Variants in TPRG1 observed in about 807,000 individuals in gnomAD.
TPRG1 encodes tumor protein p63 regulated 1, also known as tumor protein p63-regulated gene 1 protein.
In TPRG1, 29 loss-of-function variants were observed where a neutral mutation model predicts 29.3. The ratio of observed to expected loss-of-function variants is 0.99; its 90% CI spans 0.74 to 1.35. The LOEUF (loss-of-function observed/expected upper bound fraction) is 1.35. Among genes scored for constraint, TPRG1 ranks in the 40% most tolerant of loss-of-function variants. TPRG1 has a pLI of 0.00. For missense variants in TPRG1, 327 were observed against 335.0 expected (o/e 0.98, Z 0.19); for synonymous variants, 130 against 116.8 (o/e 1.11, Z -0.73).
chr3:189,203,730 G>C (rs1733852474), intron 1 of TPRG1, among the ~76,000 whole-genome samples: 2 of 152,158 alleles, frequency 1.3e-5, no homozygotes, highest in Admixed American at 1.3e-4. Flanking sequence ...TCCCTGGAAT[G>C]AGAAGATTCC....
intron 4 of TPRG1, among the ~76,000 whole-genome samples, chr3:189,087,218 A>G (rs1289471350): frequency 1.3e-5 from 2 of 152,148 alleles, no homozygotes; most frequent in Non-Finnish European, 2.9e-5. Context: ...GTGAGATGGT[A>G]TCTCATTGTG....
chr3:189,304,514 G>A (rs1244842533), intron 4 of TPRG1, among the ~76,000 whole-genome samples: 3 of 152,142 alleles, frequency 2.0e-5, no homozygotes, highest in Admixed American at 2.0e-4. Flanking sequence ...CTTCTGGGAG[G>A]GAGCCAGGTG....
intron 5 of TPRG1, among the ~76,000 whole-genome samples, chr3:189,152,369 T>C (rs921558527): frequency 2.0e-5 from 3 of 152,194 alleles, no homozygotes; most frequent in Admixed American, 1.3e-4. Flanking sequence ...CAGAGGCAGA[T>C]TCTACTATAC....
chr3:189,122,638 G>A (rs562132113), intron 1 of TPRG1, among the ~76,000 whole-genome samples: 8 of 152,258 alleles, frequency 5.3e-5, no homozygotes, highest in African/African-American at 1.4e-4. Flanking sequence ...TCCTTTTATC[G>A]TTGTGAAACA....
At chr3:189,270,302 ACTC>A (rs1488257721) in intron 4 of TPRG1, among the ~76,000 whole-genome samples, 4 of 152,046 alleles carry the variant, frequency 2.6e-5, no homozygotes, top group African/African-American at 9.7e-5. Flanking sequence ...CCGGCATTGA[ACTC>A]CTCATGCCTT....
chr3:189,286,834 C>G (rs1363100030), intron 4 of TPRG1, among the ~76,000 whole-genome samples: 1 of 152,088 alleles, frequency 6.6e-6, no homozygotes, highest in East Asian at 1.9e-4. Flanking sequence ...TTCCTACTTT[C>G]TTTTCTTTAT....
chr3:189,206,048 CTTCTGTCTTT>C (rs1560549912), intron 1 of TPRG1, among the ~76,000 whole-genome samples: 2 of 149,188 alleles, frequency 1.3e-5, no homozygotes, highest in African/African-American at 4.9e-5. Context: ...TCCTTCCTTT[CTTCTGTCTTT>C]CTTTCTTTTT....
rs371732749 is a variant in TPRG1, at chr3:189,042,272, T to C, written c.-463+18326T>C. On this transcript the variant is annotated intron_variant, in intron 4 of 10. Coordinates refer to the TPRG1 transcript ENST00000433971. ...TTGAACTATCAAGAATATATTTCTT[T>C]TCCAATTTCAGCTTTTTTGGTTAAT... is the stretch of plus-strand genomic sequence containing the variant. 2.7e-3 allele frequency among the ~76,000 whole-genome samples: 410 copies of C among 152,298 alleles called. 2 individuals are homozygous for C. The highest frequency in any genetic ancestry group is 8.9e-3 in the South Asian group (43 of 4,824).
intron 1 of TPRG1, among the ~76,000 whole-genome samples, chr3:189,201,267 G>T (rs16864083): frequency 0.13 from 19,378 of 152,216 alleles, 1,414 homozygotes; most frequent in African/African-American, 0.2. Flanking sequence ...CTTCCCAAGG[G>T]TTCACAGAGA....
At chr3:189,222,189 A>G (rs1455225832) in intron 3 of TPRG1, among the ~76,000 whole-genome samples, 2 of 152,194 alleles carry the variant, frequency 1.3e-5, no homozygotes, top group East Asian at 3.8e-4. Context: ...GAACAACAAA[A>G]AAGTCAAATG....
chr3:189,033,008 C>T (rs755627992), intron 4 of TPRG1, among the ~76,000 whole-genome samples: 15 of 151,960 alleles, frequency 9.9e-5, no homozygotes, highest in South Asian at 4.2e-4. Flanking sequence ...GTCCCACAAC[C>T]GTGCACACGA....
intron 1 of TPRG1, among the ~76,000 whole-genome samples, chr3:189,186,091 A>G (rs1730879159): frequency 6.6e-6 from 1 of 152,176 alleles, no homozygotes; most frequent in Non-Finnish European, 1.5e-5. Flanking sequence ...GTTATTTTTT[A>G]AAAATTTATC....
At chr3:189,112,247 G>A (rs1720619046) in intron 1 of TPRG1, among the ~76,000 whole-genome samples, 1 of 152,016 alleles carries the variant, frequency 6.6e-6, no homozygotes. Flanking sequence ...GAGAGATATT[G>A]GTCTATAATT....
intron 4 of TPRG1, among the ~76,000 whole-genome samples, chr3:189,032,720 TG>T (rs1714002380): frequency 6.7e-6 from 1 of 150,362 alleles, no homozygotes; most frequent in South Asian, 2.1e-4. Context: ...TAGCATTAGG[TG>T]TATCTCCTAA....
At chr3:189,202,303 C>G (rs868814097) in intron 1 of TPRG1, among the ~76,000 whole-genome samples, 21 of 152,100 alleles carry the variant, frequency 1.4e-4, no homozygotes, top group Admixed American at 5.2e-4. Flanking sequence ...GAGCTACCCC[C>G]CTCAGACCGG....
At chr3:189,245,838 T>G (rs1741298996) in intron 4 of TPRG1, among the ~76,000 whole-genome samples, 1 of 152,134 alleles carries the variant, frequency 6.6e-6, no homozygotes. Flanking sequence ...ATATTTTGAG[T>G]CTATTATTAG....
intron 1 of TPRG1, among the ~76,000 whole-genome samples, chr3:189,126,426 T>C (rs1429905069): frequency 6.6e-6 from 1 of 152,220 alleles, no homozygotes; most frequent in African/African-American, 2.4e-5. Flanking sequence ...TAGCTCGATG[T>C]CACTAAGACT....
At chr3:189,043,614 T>C (rs1469393202) in intron 4 of TPRG1, among the ~76,000 whole-genome samples, 1 of 152,214 alleles carries the variant, frequency 6.6e-6, no homozygotes, top group Non-Finnish European at 1.5e-5. Context: ...ATTACAATTT[T>C]TTGGGCGACA....
At chr3:189,316,120 CAT>C (rs1723481332) in intron 5 of TPRG1, among the ~76,000 whole-genome samples, 1 of 152,120 alleles carries the variant, frequency 6.6e-6, no homozygotes, top group Non-Finnish European at 1.5e-5. Flanking sequence ...TGTGTGTGCA[CAT>C]ATGTGCATAT....
Sources: gnomAD v4.1 joint callset for allele counts (sites outside exome capture counted in the v4.1 genomes callset) on GRCh38, gnomAD v4.1.1 for gene constraint, MANE v1.5 for transcripts, NCBI Gene and HGNC (gene_info 2026-07-23, HGNC 2026-07-21) for gene names.